The following CCDC60 variants were observed in gnomAD, a reference collection of about 807,000 sequenced individuals.
CCDC60 encodes coiled-coil domain containing 60.
CCDC60 carries 54 observed loss-of-function variants against 63.5 expected under a neutral mutation model. The observed-to-expected ratio is 0.85, with a 90% confidence interval of 0.68 to 1.07. The LOEUF is 1.07. CCDC60 is among the 50% of genes least tolerant of loss of function. The pLI is 0.00. For missense variants in CCDC60, 651 were observed against 684.3 expected, an observed-to-expected ratio of 0.95 and a Z score of 0.54; for synonymous variants, 206 against 238.8, an observed-to-expected ratio of 0.86 and a Z score of 1.27.
At chr12:119,374,085 A>C (rs11064764) in intron 1 of CCDC60, among the ~76,000 whole-genome samples, 23,348 of 151,900 alleles carry the variant, frequency 0.15, 2,069 homozygotes, top group South Asian at 0.35. Context: ...TATGCTGAAG[A>C]GGCAGTTTTC....
chr12:119,497,398 G>A (rs1024731482), intron 5 of CCDC60, among the ~76,000 whole-genome samples: 4 of 152,126 alleles, frequency 2.6e-5, no homozygotes, highest in Non-Finnish European at 5.9e-5. Context: ...CAGAAAGACC[G>A]ATTCCAGCTA....
chr12:119,419,625 G>A (rs1956772391), intron 1 of CCDC60, among the ~76,000 whole-genome samples: 1 of 152,156 alleles, frequency 6.6e-6, no homozygotes, highest in South Asian at 2.1e-4. Context: ...AGCAATGACA[G>A]AAAGAATGCA....
chr12:119,377,650 A>G (rs1955966666), intron 1 of CCDC60, among the ~76,000 whole-genome samples: 1 of 152,234 alleles, frequency 6.6e-6, no homozygotes, highest in African/African-American at 2.4e-5. Flanking sequence ...GAGTCCTTCC[A>G]TATTCCCACT....
intron 7 of CCDC60, among the ~76,000 whole-genome samples, chr12:119,508,451 A>G (rs933123313): frequency 6.6e-6 from 1 of 152,072 alleles, no homozygotes; most frequent in Non-Finnish European, 1.5e-5. Flanking sequence ...ACTGCACTCC[A>G]GCCTGGCAAC....
Position 119,456,803 on chromosome 12 carries a change from G to A in CCDC60, c.171-15191G>A, listed in dbSNP as rs1033888720. The stretch of plus-strand genomic sequence containing the variant: ...GCGCTGACAGGAGTGTAGCAGTGAG[G>A]ACGACCAGAGGTCACTCTTGTCGCC... On this transcript the variant is annotated intron_variant, in intron 2 of 13. Coordinates refer to ENST00000327554, the MANE Select transcript of CCDC60 (RefSeq NM_178499.5). This position sits in a 1 kb window ranked among gnomAD's most constrained non-coding sequence, Gnocchi z 4.6. Among the ~76,000 whole-genome samples the A allele has an allele frequency of 6.6e-6, 1 of 152,198 alleles. No homozygotes were observed. Among genetic ancestry groups the A allele is most frequent in the Admixed American group, 6.5e-5 (1 of 15,278 alleles).
intron 5 of CCDC60, among the ~76,000 whole-genome samples, chr12:119,496,806 T>C (rs1173637349): frequency 6.6e-6 from 1 of 152,206 alleles, no homozygotes; most frequent in Non-Finnish European, 1.5e-5. Context: ...AACCTATTGT[T>C]AAATTCACTC....
intron 5 of CCDC60, among the ~76,000 whole-genome samples, chr12:119,497,686 A>C (rs554301288): frequency 6.6e-6 from 1 of 152,166 alleles, no homozygotes; most frequent in Admixed American, 6.5e-5. Flanking sequence ...GAGGCTCAGC[A>C]GGGGCTGCGT....
At chr12:119,479,471 T>TA (rs1446386340) in intron 4 of CCDC60, 2 of 419,304 alleles carry the variant, frequency 4.8e-6, no homozygotes, top group Non-Finnish European at 8.8e-6. Context: ...CAAAGCCTGA[T>TA]AAAATCTGTC....
rs551880813 is a variant in CCDC60, at chr12:119,453,963, C to T, written c.171-18031C>T. 8.5e-5 allele frequency among the ~76,000 whole-genome samples: 13 copies of T among 152,106 alleles called. 1 individual carries two copies. Among genetic ancestry groups the T allele is most frequent in the East Asian group, 7.7e-4 (4 of 5,188 alleles). ...AAAAAATGATAATGTTACCATGTAT[C>T]GAACAGCTCCAGTGTGCTAGGCACC... is the stretch of plus-strand genomic sequence containing the variant. On this transcript the variant is annotated intron_variant, in intron 2 of 13. Coordinates refer to ENST00000327554, the MANE Select transcript of CCDC60 (RefSeq NM_178499.5).
At chr12:119,471,969 C>T (rs1951070097) in intron 2 of CCDC60, 25 bp from the exon 3 acceptor site, 1 of 1,603,464 alleles carries the variant, frequency 6.2e-7, no homozygotes. Flanking sequence ...TCCCTCTCTC[C>T]CTCTTCCTCC....
chr12:119,449,597 T>A (rs1447103601), intron 2 of CCDC60, among the ~76,000 whole-genome samples: 1 of 152,234 alleles, frequency 6.6e-6, no homozygotes, highest in East Asian at 1.9e-4. Flanking sequence ...TCAAATGGTT[T>A]AGTTACTCGT....
chr12:119,405,553 T>TA (rs938922885), intron 1 of CCDC60, among the ~76,000 whole-genome samples: 1 of 151,952 alleles, frequency 6.6e-6, no homozygotes, highest in African/African-American at 2.4e-5. Flanking sequence ...TTCTCAGATT[T>TA]AAAAAAAACC....
At chr12:119,393,139 G>A (rs1956190099) in intron 1 of CCDC60, among the ~76,000 whole-genome samples, 1 of 152,134 alleles carries the variant, frequency 6.6e-6, no homozygotes, top group Admixed American at 6.5e-5. Flanking sequence ...ACTCCAGCCT[G>A]GGTGACAGAG....
chr12:119,509,474 G>A (rs747769736), intron 7 of CCDC60, among the ~76,000 whole-genome samples: 1 of 152,064 alleles, frequency 6.6e-6, no homozygotes, highest in Non-Finnish European at 1.5e-5. Context: ...TGGTAACAGT[G>A]GGCCTGCAAC....
intron 1 of CCDC60, among the ~76,000 whole-genome samples, chr12:119,367,834 C>T (rs147532932): frequency 6.6e-6 from 1 of 151,226 alleles, no homozygotes; most frequent in African/African-American, 2.4e-5. Flanking sequence ...TCTATAGAGA[C>T]AGAAGGTAAA....
intron 2 of CCDC60, among the ~76,000 whole-genome samples, chr12:119,445,784 C>T (rs1950532813): frequency 6.6e-6 from 1 of 152,176 alleles, no homozygotes; most frequent in East Asian, 1.9e-4. Context: ...ATGGCATCTG[C>T]AGCAACCTGG....
At chr12:119,523,630 C>T (rs1952592682) in intron 10 of CCDC60, 63 bp from the exon 11 acceptor site, 2 of 1,602,264 alleles carry the variant, frequency 1.2e-6, no homozygotes, top group Admixed American at 1.7e-5. Flanking sequence ...CAGAGTGGGA[C>T]CCAGGTTACT....
intron 6 of CCDC60, among the ~76,000 whole-genome samples, chr12:119,503,307 T>G (rs1490123195): frequency 6.6e-6 from 1 of 152,210 alleles, no homozygotes; most frequent in Non-Finnish European, 1.5e-5. Context: ...TGATATCATC[T>G]CTCCCCAGAA....
intron 13 of CCDC60, among the ~76,000 whole-genome samples, chr12:119,535,605 G>A (rs1444131132): frequency 6.6e-6 from 1 of 152,132 alleles, no homozygotes; most frequent in Non-Finnish European, 1.5e-5. Flanking sequence ...AGAGATTCAG[G>A]CACCTTGTGT....
Sources: gnomAD v4.1 joint callset for allele counts (sites outside exome capture counted in the v4.1 genomes callset) on GRCh38, gnomAD v4.1.1 for gene constraint, Gnocchi (gnomAD v3.1) non-coding constraint, MANE v1.5 for transcripts, NCBI Gene and HGNC (gene_info 2026-07-23, HGNC 2026-07-21) for gene names.